Variants in DNAJC19 observed in about 807,000 individuals in gnomAD.
DNAJC19 encodes DnaJ heat shock protein family (Hsp40) member C19, also known as mitochondrial import inner membrane translocase subunit TIM14.
Under a neutral mutation model 19.8 loss-of-function variants are expected in DNAJC19, and 15 were observed. The observed-to-expected ratio is 0.76, with a 90% CI of 0.51 to 1.17. The LOEUF is 1.17. DNAJC19 is among the 50% of genes most tolerant of loss of function. The probability of loss-of-function intolerance (pLI) is 0.00; values close to 1 mark genes in which losing one functional copy is unlikely to be tolerated. For synonymous variants in DNAJC19, 38 were observed against 42.1 expected (o/e 0.90, Z 0.38); for missense variants, 105 against 140.9 (o/e 0.75, Z 1.29).
intron 5 of DNAJC19, 116 bp from the exon 6 acceptor site, chr3:180,984,826 CAG>C (rs1714816664): frequency 7.0e-6 from 5 of 719,012 alleles, no homozygotes; most frequent in Non-Finnish European, 1.1e-5. Flanking sequence ...TTAGCAGAAA[CAG>C]TGTTTTAATT....
In DNAJC19 at chr3:180,986,887, T is replaced by G. The variant is rs377453508; in HGVS notation, c.209+56A>C. On this transcript the variant is annotated intron_variant, in intron 4 of 5. Coordinates refer to ENST00000382564, the MANE Select transcript of DNAJC19 (RefSeq NM_145261.4). ...AAAGGAGAGAAGGTCTTTCTTATAT[T>G]TCCTCATGGCTCTACAGTGGTAGAA... 5.8e-5 allele frequency: 84 copies of G among 1,450,728 alleles called. No homozygotes were observed. The African/African-American group carries it at 1.1e-3, about 20-fold the overall frequency. The allele number at this position is 1,450,728 out of a possible 1,614,324, so 89.9% of individuals were successfully genotyped here. A position where few individuals can be genotyped will look rare whatever the true frequency, so the allele number is the denominator to read the frequency against.
At chr3:180,987,343 T>C (rs760578919) in intron 3 of DNAJC19, 2 of 335,608 alleles carry the variant, frequency 6.0e-6, no homozygotes, top group Non-Finnish European at 1.1e-5. Flanking sequence ...ATATTCTAGA[T>C]AAAAATCTGC....
chr3:180,989,405 C>T (rs1715100362), intron 1 of DNAJC19, 195 bp downstream of exon 1: 3 of 1,440,432 alleles, frequency 2.1e-6, no homozygotes, highest in Non-Finnish European at 9.1e-7. Flanking sequence ...TGCAGAAAGA[C>T]GATGTAAAAA....
At chr3:180,985,014 T>C (rs1274909949) in intron 5 of DNAJC19, among the ~76,000 whole-genome samples, 1 of 152,150 alleles carries the variant, frequency 6.6e-6, no homozygotes, top group East Asian at 1.9e-4. Context: ...TATATGTATA[T>C]GCCTTTGAAC....
chr3:180,988,431 T>A (rs1389508045), intron 1 of DNAJC19, among the ~76,000 whole-genome samples: 3 of 147,002 alleles, frequency 2.0e-5, no homozygotes, highest in Non-Finnish European at 3.0e-5. Flanking sequence ...CCTCAAGCAA[T>A]CCTCCCACCT....
rs544220508 is a variant in DNAJC19 at position 180,989,394 on chromosome 3, G to A, written c.3+206C>T. 27 of 1,436,862 alleles carry A rather than the reference G, an allele frequency of 1.9e-5. No homozygotes were observed. In the Admixed American group the frequency reaches 3.0e-4, roughly 16 times the overall value. 89.0% of individuals were successfully genotyped at this position (1,436,862 alleles called of 1,614,324 possible). The stretch of plus-strand genomic sequence containing the variant: ...CGTGCGGACAAGAAGCTGGAGAACC[G>A]TGCAGAAAGACGATGTAAAAACACA... On this transcript the variant is annotated intron_variant, in intron 1 of 5. Transcript: ENST00000382564.
Position 180,984,484 on chromosome 3 carries a change from A to C in DNAJC19, c.*156T>G. The C allele has an allele frequency of 1.5e-6, 1 of 663,844 alleles. No individual in the cohort carries two copies. The highest frequency in any genetic ancestry group is 3.0e-5 in the East Asian group (1 of 33,502). 41.1% of individuals were successfully genotyped at this position (663,844 alleles called of 1,614,324 possible). On this transcript the variant is annotated 3_prime_UTR_variant, in exon 6 of 6. Transcript: ENST00000382564. ...ATTCTAAACTATAATCTGATTTAAA[A>C]TCCCCAAATTTAAACAAGAAAATTA... is the stretch of plus-strand genomic sequence containing the variant.
intron 5 of DNAJC19, chr3:180,985,719 T>C (rs1714867805): frequency 1.8e-6 from 1 of 556,178 alleles, no homozygotes; most frequent in Admixed American, 3.1e-5. Flanking sequence ...AACATAGTAA[T>C]AGTAGCACTT....
rs1317274198 is a variant in DNAJC19 at position 180,989,722 on chromosome 3, C to A, written c.-120G>T. On this transcript the variant is annotated 5_prime_UTR_variant, in exon 1 of 6. Transcript: ENST00000382564. ...CGCAACCCCCAACCTCAAGCACAGG[C>A]GCCCTACGCAACACGGCAGGAGCAG... 1.1e-5 allele frequency: 16 copies of A among 1,511,176 alleles called. No homozygotes were observed. The highest frequency in any genetic ancestry group is 1.3e-5 in the Non-Finnish European group (15 of 1,117,950). 93.6% of individuals were successfully genotyped at this position (1,511,176 alleles called of 1,614,324 possible).
chr3:180,988,817 A>G (rs561458155), intron 1 of DNAJC19, among the ~76,000 whole-genome samples: 7 of 151,194 alleles, frequency 4.6e-5, no homozygotes, highest in Non-Finnish European at 1.0e-4. Context: ...CCTGGCTACC[A>G]TGGTGAAACC....
chr3:180,988,353 CTT>C (rs369840102), intron 1 of DNAJC19, 124 bp from the exon 2 acceptor site: 29,361 of 608,676 alleles, frequency 0.048, 4 homozygotes, highest in East Asian at 0.064. Flanking sequence ...TTTTTTTTTT[CTT>C]TTTTTTTTTT....
intron 5 of DNAJC19, 145 bp downstream of exon 5, chr3:180,985,781 C>A: frequency 1.4e-6 from 1 of 718,992 alleles, no homozygotes; most frequent in Non-Finnish European, 2.4e-6. Context: ...TTTAAGACAC[C>A]AAAAATATAT....
chr3:180,987,831 G>T, intron 3 of DNAJC19, 192 bp downstream of exon 3: 1 of 679,488 alleles, frequency 1.5e-6, no homozygotes. Flanking sequence ...ATCCAACTCT[G>T]TCACATATAA....
At position 180,989,622 on chromosome 3, in the gene DNAJC19, T is replaced by C; in HGVS notation, c.-20A>G. 6.3e-7 allele frequency: 1 copy of C among 1,587,144 alleles called. No homozygotes were observed. Among genetic ancestry groups the C allele is most frequent in the Non-Finnish European group, 8.6e-7 (1 of 1,167,428 alleles). On this transcript the variant is annotated 5_prime_UTR_variant, in exon 1 of 6. Coordinates refer to ENST00000382564, the MANE Select transcript of DNAJC19 (RefSeq NM_145261.4). ...CACCATGGCTCCGGCTGGGCTCCCTTGCTTCCACCGGGAGCACGGCTCATC... is the reference window on the plus strand; with the variant it reads ...CACCATGGCTCCGGCTGGGCTCCCTCGCTTCCACCGGGAGCACGGCTCATC...
intron 1 of DNAJC19, 78 bp downstream of exon 1, chr3:180,989,522 C>T: frequency 1.3e-6 from 2 of 1,552,960 alleles, no homozygotes; most frequent in Non-Finnish European, 1.7e-6. Context: ...ACAACTTCAA[C>T]TCCACACCTC....
chr3:180,987,444 C>T, intron 3 of DNAJC19: 1 of 250,720 alleles, frequency 4.0e-6, no homozygotes, highest in Non-Finnish European at 7.8e-6. Flanking sequence ...GAAAATACCA[C>T]TATTAGGTCC....
At position 180,986,885 on chromosome 3, in the gene DNAJC19, A is replaced by T. The variant is rs1714937087; in HGVS notation, c.209+58T>A. 6 of 1,441,062 alleles carry T rather than the reference A, an allele frequency of 4.2e-6. No homozygotes were observed. The African/African-American group carries it at 5.6e-5, about 13-fold the overall frequency. 89.3% of individuals were successfully genotyped at this position (1,441,062 alleles called of 1,614,324 possible). A position where few individuals can be genotyped will look rare whatever the true frequency, so the allele number is the denominator to read the frequency against. Reference sequence around the variant, plus strand: ...TTAAAGGAGAGAAGGTCTTTCTTATATTTCCTCATGGCTCTACAGTGGTAG... The same window carrying T: ...TTAAAGGAGAGAAGGTCTTTCTTATTTTTCCTCATGGCTCTACAGTGGTAG... On this transcript the variant is annotated intron_variant, in intron 4 of 5. Coordinates refer to ENST00000382564, the MANE Select transcript of DNAJC19 (RefSeq NM_145261.4).
chr3:180,986,494 C>G, intron 4 of DNAJC19: 1 of 197,366 alleles, frequency 5.1e-6, no homozygotes, highest in Non-Finnish European at 1.1e-5. Context: ...GTTTGCCAGG[C>G]TGGTCTTGAA....
chr3:180,986,878 T>G, intron 4 of DNAJC19, 65 bp downstream of exon 4: 1 of 1,387,802 alleles, frequency 7.2e-7, no homozygotes, highest in Non-Finnish European at 1.0e-6. Context: ...GAGAAGGTCT[T>G]TCTTATATTT....
Sources: allele counts gnomAD v4.1 joint callset (sites outside exome capture counted in the v4.1 genomes callset), GRCh38; gene constraint gnomAD v4.1.1; transcripts MANE v1.5; gene names NCBI Gene and HGNC (gene_info 2026-07-23, HGNC 2026-07-21).